Variants in HMGXB4 observed in about 807,000 individuals in gnomAD.
HMGXB4 encodes the protein HMG-box containing 4.
Under a neutral mutation model 63.9 loss-of-function variants are expected in HMGXB4, and 27 were observed. That is an observed-to-expected ratio of 0.42 (90% CI 0.31 to 0.58). The LOEUF is 0.58. Among genes scored for constraint, HMGXB4 ranks in the 20% least tolerant of loss-of-function variants. The probability of loss-of-function intolerance (pLI) is 0.13; values close to 1 mark genes in which losing one functional copy is unlikely to be tolerated. For missense variants in HMGXB4, 624 were observed against 700.7 expected, an observed-to-expected ratio of 0.89 and a Z score of 1.24; for synonymous variants, 264 against 265.3, an observed-to-expected ratio of 0.99 and a Z score of 0.05.
intron 8 of HMGXB4, 43 bp from the exon 9 acceptor site, chr22:35,288,195 T>C (rs745841845): frequency 7.2e-7 from 1 of 1,395,940 alleles, no homozygotes; most frequent in South Asian, 1.8e-5. Flanking sequence ...TGTTCAAGGC[T>C]GTAGGCAAGT....
At chr22:35,278,605 C>T (rs1335524562) in intron 5 of HMGXB4, among the ~76,000 whole-genome samples, 1 of 152,046 alleles carries the variant, frequency 6.6e-6, no homozygotes, top group Non-Finnish European at 1.5e-5. Flanking sequence ...CCCTTCCAAA[C>T]CACCACCTGG....
chr22:35,265,389 A>T lies in HMGXB4; in HGVS notation c.1001A>T (p.His334Leu). 1.9e-6 allele frequency: 3 copies of T among 1,614,176 alleles called. No individual in the cohort carries two copies. The highest frequency in any genetic ancestry group is 2.5e-6 in the Non-Finnish European group (3 of 1,180,028). ...AAAAAGAAGAAAGACAAGGAGAAGC[A>T]TAAAGAGAAGCGACACTCCAAGTCC... ...KSKKKKDKEK[H>L]KEKRHSKSKR... The change falls in exon 5 of 11, where the codon CAT (histidine) becomes CTT (leucine). Residue 334 changes from histidine to leucine, a missense_variant. Around this residue, in one of 2 missense-constraint regions of HMGXB4, gnomAD observed 472 missense variants for 470.6 expected, o/e 1.00. Coordinates refer to ENST00000216106, the MANE Select transcript of HMGXB4 (RefSeq NM_001003681.3).
At chr22:35,271,789 G>A (rs1343384766) in intron 5 of HMGXB4, among the ~76,000 whole-genome samples, 1 of 152,124 alleles carries the variant, frequency 6.6e-6, no homozygotes, top group Non-Finnish European at 1.5e-5. Context: ...CGAACTACTA[G>A]TTCAAAGTAA....
upstream of HMGXB4, among the ~76,000 whole-genome samples, chr22:35,254,420 G>T (rs1922307722): frequency 6.6e-6 from 1 of 152,196 alleles, no homozygotes; most frequent in Non-Finnish European, 1.5e-5. Context: ...TACATTCAAG[G>T]AACTATGATC....
chr22:35,287,809 G>A (rs2005954), intron 8 of HMGXB4, among the ~76,000 whole-genome samples: 77,979 of 151,896 alleles, frequency 0.51, 22,857 homozygotes, highest in Non-Finnish European at 0.65. Flanking sequence ...TTAGCCGGGC[G>A]TGGTGGCGCA....
At chr22:35,289,295 CAA>C (rs1924791172) in intron 9 of HMGXB4, among the ~76,000 whole-genome samples, 1 of 151,746 alleles carries the variant, frequency 6.6e-6, no homozygotes, top group African/African-American at 2.4e-5. Flanking sequence ...CCCATTTCTA[CAA>C]AAAATTAAAA....
chr22:35,243,040 G>T, the HMGXB4 span, among the ~76,000 whole-genome samples: 1 of 152,152 alleles, frequency 6.6e-6, no homozygotes, highest in Non-Finnish European at 1.5e-5. Context: ...GGCCCAGAAT[G>T]TAGTCCATCT....
chr22:35,245,527 C>T, the HMGXB4 span, among the ~76,000 whole-genome samples: 13 of 152,072 alleles, frequency 8.5e-5, no homozygotes, highest in Admixed American at 4.6e-4. Context: ...ACGTCTCTGT[C>T]ATCTTGCTGT....
rs769309425 is a variant in HMGXB4, at chr22:35,293,997, G to A, written c.*346G>A. ...TGCCAAGCGCATCTCTTTATGGACAGCTAAAATGTGATTATTTTCCAAGCT... is the reference window on the plus strand; with the variant it reads ...TGCCAAGCGCATCTCTTTATGGACAACTAAAATGTGATTATTTTCCAAGCT... On this transcript the variant is annotated 3_prime_UTR_variant, in exon 11 of 11. Coordinates refer to ENST00000216106, the MANE Select transcript of HMGXB4 (RefSeq NM_001003681.3). 1.2e-5 allele frequency: 2 copies of A among 163,970 alleles called. No homozygotes were observed. Among genetic ancestry groups the A allele is most frequent in the Non-Finnish European group, 2.6e-5 (2 of 76,138 alleles). The allele number at this position is 163,970 out of a possible 1,614,324, so 10.2% of individuals were successfully genotyped here. A position where few individuals can be genotyped will look rare whatever the true frequency, so the allele number is the denominator to read the frequency against.
intron 5 of HMGXB4, among the ~76,000 whole-genome samples, chr22:35,283,687 G>T (rs982542308): frequency 6.6e-6 from 1 of 152,172 alleles, no homozygotes; most frequent in African/African-American, 2.4e-5. Context: ...CTACTCAGAA[G>T]GCTGAGGCAG....
At chr22:35,282,321 C>CAT (rs1924304204) in intron 5 of HMGXB4, among the ~76,000 whole-genome samples, 2 of 152,156 alleles carry the variant, frequency 1.3e-5, no homozygotes, top group Non-Finnish European at 2.9e-5. Context: ...GGACTACAGG[C>CAT]GCCCACCACC....
chr22:35,249,533 A>G, the HMGXB4 span, among the ~76,000 whole-genome samples: 1 of 99,108 alleles, frequency 1.0e-5, no homozygotes, highest in Non-Finnish European at 2.8e-5. Context: ...TGGACAGGAA[A>G]GACACACCAA....
At chr22:35,286,145 A>C in intron 7 of HMGXB4, 84 bp downstream of exon 7, 1 of 950,468 alleles carries the variant, frequency 1.1e-6, no homozygotes, top group Non-Finnish European at 1.6e-6. Flanking sequence ...AGCCAGCCAG[A>C]CAGCACTGAA....
At position 35,262,245 on chromosome 22, in the gene HMGXB4, C is replaced by G. The variant is rs184292790; in HGVS notation, c.-68-78C>G. 2.1e-5 allele frequency: 16 copies of G among 774,546 alleles called. No homozygotes were observed. The African/African-American group carries it at 2.4e-4, about 12-fold the overall frequency. The allele number at this position is 774,546 out of a possible 1,614,324, so 48.0% of individuals were successfully genotyped here. A position where few individuals can be genotyped will look rare whatever the true frequency, so the allele number is the denominator to read the frequency against. ...GCCCTTCCAGTCAGCCCTTGGATCA[C>G]TGCGCATTTCCATCTGGAAGGTTGC... On this transcript the variant is annotated intron_variant, in intron 1 of 10. Transcript: ENST00000216106.
At position 35,293,801 on chromosome 22, in the gene HMGXB4, A is replaced by G. The variant is rs1429597717; in HGVS notation, c.*150A>G. 11 of 409,326 alleles carry G rather than the reference A, an allele frequency of 2.7e-5. No homozygotes were observed. The highest frequency in any genetic ancestry group is 2.0e-4 in the Admixed American group (5 of 24,492). The allele number at this position is 409,326 out of a possible 1,614,324, so 25.4% of individuals were successfully genotyped here. ...TATATACATATATATATAATGTACA[A>G]TATATACATAGACTGTAACTACTTT... is the stretch of plus-strand genomic sequence containing the variant. On this transcript the variant is annotated 3_prime_UTR_variant, in exon 11 of 11. Transcript: ENST00000216106.
At chr22:35,257,847 C>T (rs1922534029) in intron 1 of HMGXB4, among the ~76,000 whole-genome samples, 1 of 151,922 alleles carries the variant, frequency 6.6e-6, no homozygotes, top group Admixed American at 6.6e-5. Context: ...CCCCGGGGGC[C>T]TGCGGACCCG....
intron 1 of HMGXB4, chr22:35,258,399 CT>C (rs981701407): frequency 5.9e-5 from 9 of 152,236 alleles, no homozygotes; most frequent in African/African-American, 2.2e-4. Context: ...AAGTAAAAAA[CT>C]GAATCCCAAA....
At chr22:35,280,892 C>G (rs1190096620) in intron 5 of HMGXB4, among the ~76,000 whole-genome samples, 1 of 152,134 alleles carries the variant, frequency 6.6e-6, no homozygotes, top group African/African-American at 2.4e-5. Flanking sequence ...TCTTTGACTC[C>G]CTAACTTGGG....
At chr22:35,275,948 T>C (rs1373878325) in intron 5 of HMGXB4, among the ~76,000 whole-genome samples, 1 of 152,244 alleles carries the variant, frequency 6.6e-6, no homozygotes, top group Non-Finnish European at 1.5e-5. Context: ...GTATCCCAGC[T>C]GTAATCTTGC....
Sources: allele counts gnomAD v4.1 joint callset (sites outside exome capture counted in the v4.1 genomes callset), GRCh38; gene constraint gnomAD v4.1.1; regional missense constraint gnomAD v4.1.1; transcripts MANE v1.5; gene names NCBI Gene and HGNC (gene_info 2026-07-23, HGNC 2026-07-21).